GRAMD1C: variants seen among roughly 807,000 people sequenced by gnomAD.
GRAMD1C encodes GRAM domain containing 1C.
In GRAMD1C, 89 loss-of-function variants were observed where a neutral mutation model predicts 97.8. That is an observed-to-expected ratio of 0.91 (90% confidence interval 0.77 to 1.09). GRAMD1C has a LOEUF of 1.09. Ranked by LOEUF, GRAMD1C falls within the 50% of genes least tolerant of loss-of-function variation. The pLI is 0.00. For synonymous variants in GRAMD1C, 256 were observed against 267.0 expected, an observed-to-expected ratio of 0.96 and a Z score of 0.40; for missense variants, 740 against 766.4, an observed-to-expected ratio of 0.97 and a Z score of 0.41.
chr3:113,881,784 G>C (rs1935272509), intron 5 of GRAMD1C, among the ~76,000 whole-genome samples: 1 of 152,178 alleles, frequency 6.6e-6, no homozygotes, highest in African/African-American at 2.4e-5. Context: ...TTGATTGTTA[G>C]ATCACATATT....
chr3:113,875,795 G>A, intron 4 of GRAMD1C: 2 of 412,904 alleles, frequency 4.8e-6, no homozygotes, highest in Non-Finnish European at 8.5e-6. Context: ...AGTATAGTTA[G>A]AGAAAGATAT....
intron 1 of GRAMD1C, among the ~76,000 whole-genome samples, chr3:113,844,030 A>G (rs1396656936): frequency 1.3e-5 from 2 of 152,224 alleles, no homozygotes; most frequent in Non-Finnish European, 2.9e-5. Context: ...CAGACTGTGC[A>G]CTTCTGGAGA....
At chr3:113,846,281 T>C (rs537587834) in intron 2 of GRAMD1C, among the ~76,000 whole-genome samples, 2 of 152,202 alleles carry the variant, frequency 1.3e-5, no homozygotes, top group African/African-American at 4.8e-5. Flanking sequence ...TAATTTTGTA[T>C]TTTTAGTAGA....
chr3:113,925,522 G>T (rs1937204880), intron 10 of GRAMD1C, among the ~76,000 whole-genome samples: 1 of 151,764 alleles, frequency 6.6e-6, no homozygotes, highest in South Asian at 2.1e-4. Flanking sequence ...CATACAGTTG[G>T]GTCTTATTTA....
upstream of GRAMD1C, chr3:113,838,637 C>T (rs1470566431): frequency 2.8e-6 from 1 of 357,698 alleles, no homozygotes; most frequent in African/African-American, 2.1e-5. Flanking sequence ...CAGGGTATGC[C>T]ATTTCCTGGG....
At chr3:113,891,462 A>C (rs1935720986) in intron 6 of GRAMD1C, among the ~76,000 whole-genome samples, 1 of 152,088 alleles carries the variant, frequency 6.6e-6, no homozygotes, top group African/African-American at 2.4e-5. Flanking sequence ...CATTGGTTAA[A>C]TTTCTTGATC....
At chr3:113,880,371 A>T (rs550754525) in intron 5 of GRAMD1C, among the ~76,000 whole-genome samples, 90 of 152,156 alleles carry the variant, frequency 5.9e-4, no homozygotes, top group African/African-American at 2.0e-3. Context: ...GCTCTTTTTT[A>T]AAAAAAGTAA....
At position 113,940,326 on chromosome 3, in the gene GRAMD1C, C is replaced by G. The variant is rs1356753833; in HGVS notation, c.1889C>G (p.Ser630Cys). Residue 630 changes from serine (S) to cysteine (C), a missense_variant, in exon 17 of 18, where the codon TCC becomes TGC. Ser to Cys is a moderately radical substitution (Grantham distance 112, BLOSUM62 -1). Coordinates refer to ENST00000358160, the MANE Select transcript of GRAMD1C (RefSeq NM_017577.5). ...CGTTTAAAGGGAGTGCTCCGAGACT[C>G]CATAGTGATGCTTGAACAGGTAGGC... ...AHRLKGVLRD[S>C]IVMLEQLKSS... The G allele has an allele frequency of 6.3e-7, 1 of 1,586,932 alleles. No individual in the cohort carries two copies. The highest frequency in any genetic ancestry group is 1.1e-5 in the South Asian group (1 of 90,544).
chr3:113,886,047 C>G, intron 6 of GRAMD1C: 1 of 751,176 alleles, frequency 1.3e-6, no homozygotes, highest in South Asian at 2.2e-5. Context: ...AATCCCCCTC[C>G]ACTTGGGTTG....
At chr3:113,832,867 T>A (rs1450133683) in intron 1 of GRAMD1C, among the ~76,000 whole-genome samples, 1 of 152,148 alleles carries the variant, frequency 6.6e-6, no homozygotes, top group Non-Finnish European at 1.5e-5. Context: ...CCAGGCAGTT[T>A]ATATCTCTGC....
At chr3:113,920,012 CAA>C in intron 10 of GRAMD1C, 1 of 735,092 alleles carries the variant, frequency 1.4e-6, no homozygotes, top group Non-Finnish European at 2.4e-6. Flanking sequence ...AGATGTGAAC[CAA>C]AAAGTTTCAG....
chr3:113,902,312 T>C (rs897870605), intron 7 of GRAMD1C, among the ~76,000 whole-genome samples: 7 of 152,222 alleles, frequency 4.6e-5, no homozygotes, highest in African/African-American at 1.7e-4. Context: ...TTTTATTAGC[T>C]TTCTGTAAAG....
chr3:113,917,522 G>A (rs1376830730), intron 10 of GRAMD1C, among the ~76,000 whole-genome samples: 2 of 151,666 alleles, frequency 1.3e-5, no homozygotes, highest in African/African-American at 2.4e-5. Flanking sequence ...GGGGTTTGCC[G>A]TGTTGGCCAT....
intron 7 of GRAMD1C, among the ~76,000 whole-genome samples, chr3:113,901,421 G>C (rs1427156004): frequency 6.6e-6 from 1 of 152,136 alleles, no homozygotes; most frequent in Non-Finnish European, 1.5e-5. Context: ...ATCTGGAGAA[G>C]TACCTAGTGA....
At chr3:113,906,618 A>T (rs1936382956) in intron 8 of GRAMD1C, among the ~76,000 whole-genome samples, 1 of 152,100 alleles carries the variant, frequency 6.6e-6, no homozygotes, top group South Asian at 2.1e-4. Flanking sequence ...AAAATGTTAC[A>T]GTAAGCTAAG....
chr3:113,910,834 G>C (rs1199103698), intron 9 of GRAMD1C, among the ~76,000 whole-genome samples: 1 of 152,142 alleles, frequency 6.6e-6, no homozygotes, highest in Non-Finnish European at 1.5e-5. Context: ...CCCTGGAGGA[G>C]AACCAGCTTC....
At chr3:113,851,522 C>CTTTTT (rs35669503) in intron 2 of GRAMD1C, among the ~76,000 whole-genome samples, 3 of 133,600 alleles carry the variant, frequency 2.2e-5, no homozygotes, top group Admixed American at 7.5e-5. Context: ...TTCTTTCTTT[C>CTTTTT]TTTTTTTTTT....
chr3:113,872,403 T>C (rs1308752227), intron 3 of GRAMD1C, among the ~76,000 whole-genome samples: 1 of 139,680 alleles, frequency 7.2e-6, no homozygotes. Flanking sequence ...TTTTTTTTTT[T>C]TTTTTTTTTG....
At chr3:113,839,463 G>GTT (rs1322758516) in intron 1 of GRAMD1C, among the ~76,000 whole-genome samples, 1 of 152,174 alleles carries the variant, frequency 6.6e-6, no homozygotes, top group Non-Finnish European at 1.5e-5. Flanking sequence ...GGGCGCCTGC[G>GTT]TTTCTGAACA....
Sources: allele counts gnomAD v4.1 joint callset (sites outside exome capture counted in the v4.1 genomes callset), GRCh38; gene constraint gnomAD v4.1.1; transcripts MANE v1.5; gene names NCBI Gene and HGNC (gene_info 2026-07-23, HGNC 2026-07-21).